The following XRCC4 variants were observed in gnomAD, a reference collection of about 807,000 sequenced individuals.
The protein encoded by XRCC4 is X-ray repair cross complementing 4.
XRCC4 carries 28 observed loss-of-function variants against 39.1 expected under a neutral mutation model. The observed-to-expected ratio is 0.72, with a 90% confidence interval of 0.53 to 0.98. XRCC4 has a LOEUF of 0.98. XRCC4 is among the 50% of genes least tolerant of loss of function. The pLI, the probability that XRCC4 is intolerant of heterozygous loss-of-function variation, is 0.00. For missense variants in XRCC4, 350 were observed against 376.4 expected (o/e 0.93, Z 0.58); for synonymous variants, 123 against 126.4 (o/e 0.97, Z 0.18).
chr5:83,240,401 ATGACC>A (rs764410225), intron 6 of XRCC4, among the ~76,000 whole-genome samples: 20 of 152,158 alleles, frequency 1.3e-4, no homozygotes, highest in Middle Eastern at 3.2e-3. Context: ...GAGAGAAGCG[ATGACC>A]TGAACTAAAA....
chr5:83,145,392 G>A (rs1050759748), intron 3 of XRCC4, among the ~76,000 whole-genome samples: 13 of 152,176 alleles, frequency 8.5e-5, no homozygotes, highest in Non-Finnish European at 1.5e-5. Context: ...GATTCTCTTA[G>A]ACTCATCTGA....
intron 7 of XRCC4, among the ~76,000 whole-genome samples, chr5:83,329,080 A>AT (rs1756356823): frequency 6.6e-6 from 1 of 152,042 alleles, no homozygotes; most frequent in Non-Finnish European, 1.5e-5. Flanking sequence ...CAGCAAGTTG[A>AT]TTTTTTATTT....
intron 3 of XRCC4, among the ~76,000 whole-genome samples, chr5:83,175,691 C>T (rs184130952): frequency 1.6e-4 from 24 of 152,274 alleles, no homozygotes; most frequent in African/African-American, 5.1e-4. Flanking sequence ...TTACTGCAAC[C>T]TCCACCTCCT....
chr5:83,314,479 T>C (rs1755812639), intron 7 of XRCC4, among the ~76,000 whole-genome samples: 1 of 152,178 alleles, frequency 6.6e-6, no homozygotes, highest in Non-Finnish European at 1.5e-5. Flanking sequence ...GGCAGTGTTA[T>C]TTAATACAGG....
At chr5:83,153,214 CTT>C (rs36084579) in intron 3 of XRCC4, among the ~76,000 whole-genome samples, 7 of 145,262 alleles carry the variant, frequency 4.8e-5, no homozygotes, top group Admixed American at 6.9e-5. Context: ...TTCATTCAAA[CTT>C]TTTTTTTTTT....
intron 6 of XRCC4, among the ~76,000 whole-genome samples, chr5:83,228,043 C>T (rs1752356674): frequency 6.6e-6 from 1 of 151,984 alleles, no homozygotes; most frequent in African/African-American, 2.4e-5. Context: ...AAAGTAAAAC[C>T]AAGGGTAATT....
the XRCC4 span, among the ~76,000 whole-genome samples, chr5:83,361,777 A>G: frequency 6.6e-6 from 1 of 152,078 alleles, no homozygotes; most frequent in African/African-American, 2.4e-5. Flanking sequence ...ATCTGCCACC[A>G]TGCCCAGCTA....
At chr5:83,279,040 T>C (rs1754440125) in intron 7 of XRCC4, among the ~76,000 whole-genome samples, 1 of 145,212 alleles carries the variant, frequency 6.9e-6, no homozygotes, top group Admixed American at 6.9e-5. Flanking sequence ...TATTTTATAA[T>C]ATATTATATA....
chr5:83,129,953 C>A (rs1462924540), intron 3 of XRCC4, among the ~76,000 whole-genome samples: 2 of 152,030 alleles, frequency 1.3e-5, no homozygotes, highest in Non-Finnish European at 2.9e-5. Flanking sequence ...ATTGAATACC[C>A]TTTATTTCCT....
At chr5:83,157,540 G>A (rs918657524) in intron 3 of XRCC4, among the ~76,000 whole-genome samples, 2 of 151,828 alleles carry the variant, frequency 1.3e-5, no homozygotes, top group Non-Finnish European at 2.9e-5. Flanking sequence ...GACCTTGAGA[G>A]AACAGAATAG....
At chr5:83,275,517 G>T (rs1165160438) in intron 7 of XRCC4, among the ~76,000 whole-genome samples, 2 of 151,886 alleles carry the variant, frequency 1.3e-5, no homozygotes, top group Admixed American at 1.3e-4. Flanking sequence ...GGATGGTCTC[G>T]ATCTCCTGAC....
At chr5:83,291,502 G>A (rs189512851) in intron 7 of XRCC4, among the ~76,000 whole-genome samples, 1 of 151,750 alleles carries the variant, frequency 6.6e-6, no homozygotes, top group South Asian at 2.1e-4. Flanking sequence ...GCTTTTCTTA[G>A]ATCAAAATCT....
chr5:83,327,555 T>A (rs1156968975), intron 7 of XRCC4, among the ~76,000 whole-genome samples: 1 of 152,054 alleles, frequency 6.6e-6, no homozygotes, highest in African/African-American at 2.4e-5. Context: ...ATTAGCTTGA[T>A]TGTTGTGGTT....
chr5:83,203,250 AC>A (rs1332025573), intron 4 of XRCC4, among the ~76,000 whole-genome samples: 1 of 152,158 alleles, frequency 6.6e-6, no homozygotes, highest in Admixed American at 6.5e-5. Context: ...TCCCATAAAA[AC>A]ATTCTTTTGT....
chr5:83,157,976 A>G (rs1749039969), intron 3 of XRCC4, among the ~76,000 whole-genome samples: 1 of 152,170 alleles, frequency 6.6e-6, no homozygotes, highest in South Asian at 2.1e-4. Context: ...CTTGCTTTTT[A>G]TTAAGAATCC....
At chr5:83,162,924 T>C (rs13157384) in intron 3 of XRCC4, among the ~76,000 whole-genome samples, 1 of 127,476 alleles carries the variant, frequency 7.8e-6, no homozygotes, top group Admixed American at 7.6e-5. Context: ...TTCCTTTTTC[T>C]TTTTTTTTTC....
chr5:83,108,623 A>G (rs1220894280), intron 2 of XRCC4, among the ~76,000 whole-genome samples: 1 of 151,842 alleles, frequency 6.6e-6, no homozygotes, highest in Admixed American at 6.6e-5. Flanking sequence ...GAAATTTAGA[A>G]TACTTTTAAC....
At chr5:83,305,780 A>C (rs890657969) in intron 7 of XRCC4, among the ~76,000 whole-genome samples, 2 of 152,122 alleles carry the variant, frequency 1.3e-5, no homozygotes, top group Non-Finnish European at 2.9e-5. Context: ...TTACTCTCTG[A>C]CTGTAGCTAG....
Position 83,353,487 on chromosome 5 carries a change from T to A in XRCC4, c.*245T>A, listed in dbSNP as rs888313105. ...CATGCCTATAATTACATAAATTGTATGAGACTTTTTGTTGCAAAGGACACA... is the reference window on the plus strand; with the variant it reads ...CATGCCTATAATTACATAAATTGTAAGAGACTTTTTGTTGCAAAGGACACA... On this transcript the variant is annotated 3_prime_UTR_variant, in exon 8 of 8. Transcript: ENST00000396027. The A allele has an allele frequency of 3.5e-6, 1 of 288,224 alleles. No homozygotes were observed. The highest frequency in any genetic ancestry group is 6.5e-5 in the East Asian group (1 of 15,334). The allele number at this position is 288,224 out of a possible 1,614,324, so 17.9% of individuals were successfully genotyped here.
Sources: gnomAD v4.1 joint callset for allele counts (sites outside exome capture counted in the v4.1 genomes callset) on GRCh38, gnomAD v4.1.1 for gene constraint, MANE v1.5 for transcripts, NCBI Gene and HGNC (gene_info 2026-07-23, HGNC 2026-07-21) for gene names.